Variants in EDA observed in about 807,000 individuals in gnomAD.
EDA encodes ectodysplasin A, also known as ectodysplasin-A.
EDA carries 2 observed loss-of-function variants against 23.6 expected under a neutral mutation model. That is an observed-to-expected ratio of 0.08 (90% confidence interval 0.03 to 0.27). The LOEUF is 0.27. Ranked by LOEUF, EDA falls within the 10% of genes least tolerant of loss-of-function variation. The pLI is 1.00. For missense variants in EDA, 229 were observed against 324.2 expected (o/e 0.71, Z 2.26); for synonymous variants, 131 against 132.0 (o/e 0.99, Z 0.05).
chrX:70,019,972 T>G (rs2020007277), intron 2 of EDA, among the ~76,000 whole-genome samples: 1 of 111,839 alleles, frequency 8.9e-6, no homozygotes, highest in East Asian at 2.8e-4. Context: ...GGAAAAAATA[T>G]AAAAATTTTA....
Position 69,937,460 on chromosome X carries a change from T to G in EDA, c.397-19567T>G, listed in dbSNP as rs2018690384. On this transcript the variant is annotated intron_variant, in intron 1 of 7. Coordinates refer to ENST00000374552, the MANE Select transcript of EDA (RefSeq NM_001399.5). The stretch of plus-strand genomic sequence containing the variant: ...CATCATAAATGACAGGTAAAAACAA[T>G]CGAAGGATCTCAAAGAAGTCAAGTT... 4 of 789,550 alleles carry G rather than the reference T, an allele frequency of 5.1e-6. No individual in the cohort carries two copies. In the South Asian group the frequency reaches 6.2e-5, roughly 12 times the overall value. The allele number at this position is 789,550 out of a possible 1,213,427, so 65.1% of individuals were successfully genotyped here. A position where few individuals can be genotyped will look rare whatever the true frequency, so the allele number is the denominator to read the frequency against.
intron 2 of EDA, among the ~76,000 whole-genome samples, chrX:70,007,685 GA>G (rs2019821105): frequency 9.0e-6 from 1 of 111,131 alleles, no homozygotes; most frequent in Non-Finnish European, 1.9e-5. Context: ...ACAAAGTTGG[GA>G]AAAAGTGACA....
At chrX:69,739,138 G>A (rs1464861185) in intron 1 of EDA, among the ~76,000 whole-genome samples, 2 of 111,146 alleles carry the variant, frequency 1.8e-5, no homozygotes, top group African/African-American at 6.5e-5. Context: ...CTTCAAATTT[G>A]TTAGATTTTG....
chrX:69,806,049 T>C (rs1311359170), intron 1 of EDA, among the ~76,000 whole-genome samples: 1 of 111,649 alleles, frequency 9.0e-6, no homozygotes, highest in Non-Finnish European at 1.9e-5. Flanking sequence ...TTATCCTCCG[T>C]ATACAGACAA....
chrX:69,645,584 T>TTATATATATATA lies in EDA; in HGVS notation c.396+28889_396+28890insATATATATATAT, dbSNP rs761403541. Among the ~76,000 whole-genome samples, 60 of 54,321 alleles carry TTATATATATATA rather than the reference T, an allele frequency of 1.1e-3. 12 individuals carry two copies. In the East Asian group the frequency reaches 0.012, roughly 10 times the overall value. 47.2% of individuals were successfully genotyped at this position (54,321 alleles called of 115,157 possible). ...GGTTGCTCTTAGTTCTCTAGTTCTT[T>TTATATATATATA]TATATATATGTGTGTGTGTATATAT... On this transcript the variant is annotated intron_variant, in intron 1 of 7. Transcript: ENST00000374552.
At chrX:69,746,857 C>T (rs1035745254) in intron 1 of EDA, among the ~76,000 whole-genome samples, 4 of 111,516 alleles carry the variant, frequency 3.6e-5, no homozygotes, top group African/African-American at 1.3e-4. Flanking sequence ...ATACTTGGTA[C>T]TGCTGCAGCC....
At chrX:69,950,334 GA>G (rs1331024816) in intron 1 of EDA, among the ~76,000 whole-genome samples, 2 of 95,282 alleles carry the variant, frequency 2.1e-5, no homozygotes, top group African/African-American at 3.9e-5. Context: ...AAAAACACAT[GA>G]AAAAATGCTC....
chrX:69,826,450 G>A (rs890528253), intron 1 of EDA, among the ~76,000 whole-genome samples: 4 of 109,732 alleles, frequency 3.6e-5, no homozygotes, highest in Non-Finnish European at 7.6e-5. Flanking sequence ...TGACCATTAT[G>A]TAATGGCCTT....
Position 69,685,845 on chromosome X carries a change from A to C in EDA, c.396+69141A>C, listed in dbSNP as rs750594544. Among the ~76,000 whole-genome samples, 3 of 112,725 alleles carry C rather than the reference A, an allele frequency of 2.7e-5. No individual in the cohort carries two copies. In the South Asian group the frequency reaches 1.1e-3, roughly 41 times the overall value. ...ATGTAGTATGTTATGCAGCATTACAAGTTCCTTATAATCTCAACAAATAGC... is the reference window on the plus strand; with the variant it reads ...ATGTAGTATGTTATGCAGCATTACACGTTCCTTATAATCTCAACAAATAGC... On this transcript the variant is annotated intron_variant, in intron 1 of 7. Transcript: ENST00000374552.
At chrX:69,703,782 G>A (rs2011610395) in intron 1 of EDA, among the ~76,000 whole-genome samples, 1 of 111,869 alleles carries the variant, frequency 8.9e-6, no homozygotes, top group Non-Finnish European at 1.9e-5. Flanking sequence ...CCTGAGAAGG[G>A]AGGAGTTATT....
rs530231499 is a variant in EDA, at chrX:69,620,006, T to A, written c.396+3302T>A. On this transcript the variant is annotated intron_variant, in intron 1 of 7. Coordinates refer to ENST00000374552, the MANE Select transcript of EDA (RefSeq NM_001399.5). Reference sequence around the variant, plus strand: ...CTGATAAAAGTCCTCAAAAACCCCATTAAATTGATCAAAAGGATGAAGGGA... The same window carrying A: ...CTGATAAAAGTCCTCAAAAACCCCAATAAATTGATCAAAAGGATGAAGGGA... Among the ~76,000 whole-genome samples, 15 of 111,815 alleles carry A rather than the reference T, an allele frequency of 1.3e-4. No individual in the cohort carries two copies. The Middle Eastern group carries it at 0.014, about 102-fold the overall frequency.
chrX:69,907,932 C>A (rs1400770248), intron 1 of EDA, among the ~76,000 whole-genome samples: 1 of 110,882 alleles, frequency 9.0e-6, no homozygotes, highest in South Asian at 3.8e-4. Flanking sequence ...AAAGAAGCTG[C>A]AGAGATAGTC....
At chrX:69,733,817 C>A (rs750021392) in intron 1 of EDA, among the ~76,000 whole-genome samples, 1 of 111,325 alleles carries the variant, frequency 9.0e-6, no homozygotes, top group South Asian at 3.8e-4. Flanking sequence ...AGGTCCTTCA[C>A]ATCCCTTGTA....
At chrX:69,715,641 C>A (rs1569306205) in intron 1 of EDA, among the ~76,000 whole-genome samples, 1 of 111,441 alleles carries the variant, frequency 9.0e-6, no homozygotes, top group Admixed American at 9.5e-5. Flanking sequence ...AATGGTAGTT[C>A]TTTGAGGAAT....
intron 1 of EDA, among the ~76,000 whole-genome samples, chrX:69,873,801 AAG>A (rs765130760): frequency 2.2e-3 from 250 of 112,194 alleles, no homozygotes; most frequent in Non-Finnish European, 4.1e-3. Context: ...AAGATAGAGA[AAG>A]AGGGAATCCT....
chrX:69,693,954 C>T (rs181263714), intron 1 of EDA, among the ~76,000 whole-genome samples: 1 of 111,967 alleles, frequency 8.9e-6, no homozygotes, highest in East Asian at 2.8e-4. Flanking sequence ...TTCAAATGGA[C>T]CATCAGAAAG....
intron 1 of EDA, among the ~76,000 whole-genome samples, chrX:69,700,607 A>G (rs1173182629): frequency 1.8e-5 from 2 of 110,719 alleles, no homozygotes; most frequent in Non-Finnish European, 3.8e-5. Flanking sequence ...GAGGCGAGAA[A>G]TGATAGGCTT....
chrX:69,752,475 T>G (rs1215740028), intron 1 of EDA, among the ~76,000 whole-genome samples: 1 of 111,893 alleles, frequency 8.9e-6, no homozygotes, highest in Non-Finnish European at 1.9e-5. Context: ...TGGATTCAGT[T>G]TGCCAGTATT....
chrX:69,710,696 A>G (rs1289916755), intron 1 of EDA, among the ~76,000 whole-genome samples: 2 of 111,631 alleles, frequency 1.8e-5, no homozygotes, highest in Non-Finnish European at 3.8e-5. Context: ...CTCCTTGAAG[A>G]GGTCCTTCAC....
Sources: allele counts gnomAD v4.1 joint callset (sites outside exome capture counted in the v4.1 genomes callset), GRCh38; gene constraint gnomAD v4.1.1; transcripts MANE v1.5; gene names NCBI Gene and HGNC (gene_info 2026-07-23, HGNC 2026-07-21).